The following ABI1 variants were observed in gnomAD, a reference collection of about 807,000 sequenced individuals.
The protein encoded by ABI1 is abl interactor 1.
Under a neutral mutation model 54.6 loss-of-function variants are expected in ABI1, and 14 were observed. The ratio of observed to expected loss-of-function variants is 0.26; its 90% CI spans 0.17 to 0.40. The LOEUF (loss-of-function observed/expected upper bound fraction) is 0.40, where lower values mean the gene tolerates loss of function less well. Among genes scored for constraint, ABI1 ranks in the 10% least tolerant of loss-of-function variants. The pLI, the probability that ABI1 is intolerant of heterozygous loss-of-function variation, is 1.00. For synonymous variants in ABI1, 194 were observed against 209.3 expected (o/e 0.93, Z 0.63); for missense variants, 443 against 598.3 (o/e 0.74, Z 2.71).
chr10:26,848,956 T>G (rs953600177), intron 1 of ABI1, among the ~76,000 whole-genome samples: 5 of 152,216 alleles, frequency 3.3e-5, no homozygotes, highest in Non-Finnish European at 5.9e-5. Context: ...TAATGGCAAC[T>G]ACATTAGTCA....
chr10:26,848,633 G>C (rs965695711), intron 1 of ABI1, among the ~76,000 whole-genome samples: 4 of 120,896 alleles, frequency 3.3e-5, no homozygotes, highest in African/African-American at 1.3e-4. Flanking sequence ...TTTTGAGACA[G>C]AGTCTCGCTC....
intron 8 of ABI1, 112 bp from the exon 9 acceptor site, chr10:26,755,853 C>T (rs912533491): frequency 9.1e-6 from 6 of 659,578 alleles, no homozygotes; most frequent in African/African-American, 1.8e-5. Flanking sequence ...ATGCAAAGAA[C>T]AGTTTGCAAA....
intron 1 of ABI1, among the ~76,000 whole-genome samples, chr10:26,837,734 C>T (rs989858830): frequency 6.6e-6 from 1 of 152,016 alleles, no homozygotes; most frequent in Non-Finnish European, 1.5e-5. Context: ...CATGCCTCGG[C>T]CTCTTCAGTA....
intron 2 of ABI1, among the ~76,000 whole-genome samples, chr10:26,786,264 A>G (rs947627678): frequency 6.3e-4 from 93 of 148,740 alleles, no homozygotes; most frequent in Non-Finnish European, 1.1e-3. Flanking sequence ...CCTAGGCTGG[A>G]GTTCAGTGGT....
At chr10:26,851,577 G>A (rs1044467978) in intron 1 of ABI1, among the ~76,000 whole-genome samples, 9 of 151,968 alleles carry the variant, frequency 5.9e-5, no homozygotes, top group Admixed American at 2.0e-4. Context: ...GAGTTTTCAA[G>A]TACGACAGAG....
In ABI1 at chr10:26,860,705, C is replaced by T; in HGVS notation, c.117+42G>A. ...CAGTGGGCTGGTCACTCCGGCGGGT[C>T]CTCGACCCGGCCAGCGCCCGCCGGC... On this transcript the variant is annotated intron_variant, in intron 1 of 10. Coordinates refer to ENST00000376140, the MANE Select transcript of ABI1 (RefSeq NM_001012750.3). The surrounding 1 kb of genome is among the most constrained non-coding windows in gnomAD (Gnocchi z 4.1). 1.3e-6 allele frequency: 2 copies of T among 1,544,756 alleles called. No individual in the cohort carries two copies. Among genetic ancestry groups the T allele is most frequent in the South Asian group, 2.2e-5 (2 of 89,778 alleles).
intron 1 of ABI1, among the ~76,000 whole-genome samples, chr10:26,844,135 G>A (rs1446719587): frequency 1.3e-5 from 2 of 152,046 alleles, no homozygotes; most frequent in African/African-American, 2.4e-5. Flanking sequence ...CACCTTCCCT[G>A]GCACTTGACA....
chr10:26,791,747 T>TAAG (rs1387200527), intron 2 of ABI1, among the ~76,000 whole-genome samples: 1 of 152,102 alleles, frequency 6.6e-6, no homozygotes, highest in Non-Finnish European at 1.5e-5. Flanking sequence ...GATAGCACAG[T>TAAG]AAGAAGAATG....
chr10:26,749,633 G>C (rs1309164342), intron 10 of ABI1, among the ~76,000 whole-genome samples: 4 of 152,094 alleles, frequency 2.6e-5, no homozygotes, highest in Non-Finnish European at 5.9e-5. Context: ...TTGGATTTTG[G>C]AGCATTTTGA....
intron 9 of ABI1, among the ~76,000 whole-genome samples, chr10:26,754,238 G>A (rs1045221955): frequency 6.6e-6 from 1 of 152,086 alleles, no homozygotes; most frequent in Non-Finnish European, 1.5e-5. Flanking sequence ...CAGCCTTGAC[G>A]TCCTGGACTC....
chr10:26,766,995 C>T (rs934417577), intron 6 of ABI1, among the ~76,000 whole-genome samples: 1 of 152,070 alleles, frequency 6.6e-6, no homozygotes, highest in African/African-American at 2.4e-5. Context: ...ATATGGCCCA[C>T]GAATCCTAAA....
At chr10:26,804,423 T>C (rs1029877610) in intron 2 of ABI1, among the ~76,000 whole-genome samples, 1 of 150,858 alleles carries the variant, frequency 6.6e-6, no homozygotes, top group Non-Finnish European at 1.5e-5. Flanking sequence ...GGCATACATA[T>C]GTTTGAAGGA....
At chr10:26,857,862 A>G (rs2505970) in intron 1 of ABI1, among the ~76,000 whole-genome samples, 67,689 of 148,290 alleles carry the variant, frequency 0.46, 17,558 homozygotes, top group South Asian at 0.62. Flanking sequence ...AAAAAAAAAA[A>G]AAAGAAAGAA....
At chr10:26,772,136 A>G (rs1235645559) in intron 3 of ABI1, among the ~76,000 whole-genome samples, 1 of 152,238 alleles carries the variant, frequency 6.6e-6, no homozygotes, top group East Asian at 1.9e-4. Context: ...TGTGCGAGAA[A>G]TTTGGTACAC....
chr10:26,799,863 A>G (rs1041660661), intron 2 of ABI1, among the ~76,000 whole-genome samples: 1 of 152,140 alleles, frequency 6.6e-6, no homozygotes, highest in Non-Finnish European at 1.5e-5. Context: ...CTCTTTCAAA[A>G]TATTTTTAGG....
intron 2 of ABI1, among the ~76,000 whole-genome samples, chr10:26,809,695 T>C (rs569838844): frequency 1.3e-5 from 2 of 152,330 alleles, no homozygotes; most frequent in East Asian, 3.9e-4. Context: ...ATAATACATA[T>C]GGACACTAAT....
intron 1 of ABI1, among the ~76,000 whole-genome samples, chr10:26,858,499 G>A (rs1589110548): frequency 9.0e-6 from 1 of 111,268 alleles, no homozygotes. Context: ...ACTGGTGTCA[G>A]ATTTAGGATT....
intron 2 of ABI1, among the ~76,000 whole-genome samples, chr10:26,787,492 ACT>A (rs1391978734): frequency 1.3e-5 from 2 of 151,910 alleles, no homozygotes; most frequent in African/African-American, 4.8e-5. Context: ...ACTCTGGTCT[ACT>A]CCCTCTCCAT....
chr10:26,819,800 C>T (rs952458558), intron 2 of ABI1, among the ~76,000 whole-genome samples: 8 of 152,136 alleles, frequency 5.3e-5, no homozygotes, highest in African/African-American at 1.9e-4. Flanking sequence ...GGGGGATATA[C>T]ATATACATTT....
Sources: gnomAD v4.1 joint callset for allele counts (sites outside exome capture counted in the v4.1 genomes callset) on GRCh38, gnomAD v4.1.1 for gene constraint, Gnocchi (gnomAD v3.1) non-coding constraint, MANE v1.5 for transcripts, NCBI Gene and HGNC (gene_info 2026-07-23, HGNC 2026-07-21) for gene names.